The following ARHGAP21 variants were observed in gnomAD, a reference collection of about 807,000 sequenced individuals.
The protein encoded by ARHGAP21 is Rho GTPase activating protein 21.
A neutral mutation model predicts 164.6 loss-of-function variants in ARHGAP21; 38 were observed. The ratio of observed to expected loss-of-function variants is 0.23; its 90% CI spans 0.18 to 0.30. The LOEUF is 0.30. Among genes scored for constraint, ARHGAP21 ranks in the 10% least tolerant of loss-of-function variants. The pLI is 1.00. For missense variants in ARHGAP21, 1,822 were observed against 2,370.7 expected, an observed-to-expected ratio of 0.77 and a Z score of 4.81; for synonymous variants, 766 against 857.9, an observed-to-expected ratio of 0.89 and a Z score of 1.87.
At chr10:24,718,925 T>C (rs1845652599) in intron 2 of ARHGAP21, among the ~76,000 whole-genome samples, 1 of 152,028 alleles carries the variant, frequency 6.6e-6, no homozygotes, top group Non-Finnish European at 1.5e-5. Context: ...TTAAGAAAGC[T>C]GAGGGAAAGT....
chr10:24,648,736 G>C (rs1837854808), intron 4 of ARHGAP21: 1 of 881,788 alleles, frequency 1.1e-6, no homozygotes, highest in African/African-American at 1.9e-5. Flanking sequence ...CCGAGATGGT[G>C]CCATCGCACT....
intron 2 of ARHGAP21, among the ~76,000 whole-genome samples, chr10:24,704,758 C>A (rs948149564): frequency 2.0e-5 from 3 of 151,972 alleles, no homozygotes; most frequent in African/African-American, 7.3e-5. Flanking sequence ...TGTGAGCCAC[C>A]GCGTCTGGTG....
chr10:24,640,189 T>C (rs1163571976), intron 4 of ARHGAP21: 1 of 151,862 alleles, frequency 6.6e-6, no homozygotes, highest in Non-Finnish European at 1.5e-5. Context: ...CCACCTTAAA[T>C]GTGCCCAATC....
chr10:24,587,633 A>G (rs754853933), intron 25 of ARHGAP21, among the ~76,000 whole-genome samples: 32 of 152,226 alleles, frequency 2.1e-4, no homozygotes, highest in Non-Finnish European at 1.9e-4. Flanking sequence ...TGAAGACTGT[A>G]GGGGATAATG....
chr10:24,723,172 G>A (rs2132383230), intron 1 of ARHGAP21: 1 of 151,254 alleles, frequency 6.6e-6, no homozygotes, highest in African/African-American at 2.4e-5. Context: ...CCGCCCGCTC[G>A]GGCCCGGCGG....
chr10:24,686,843 A>G (rs1303748161), intron 2 of ARHGAP21, among the ~76,000 whole-genome samples: 2 of 152,182 alleles, frequency 1.3e-5, no homozygotes, highest in Admixed American at 1.3e-4. Flanking sequence ...TCTCAGCACC[A>G]AAGTGCCTTA....
intron 4 of ARHGAP21, among the ~76,000 whole-genome samples, chr10:24,666,316 G>A (rs888673217): frequency 1.3e-5 from 2 of 152,124 alleles, no homozygotes; most frequent in African/African-American, 2.4e-5. Context: ...AGGCGTGAGC[G>A]ACTGCGCCCG....
In ARHGAP21 at chr10:24,620,359, T is replaced by A; in HGVS notation, c.1536A>T (p.Gly512=). The change falls in exon 9 of 26, where the codon GGA becomes GGT. Residue 512 remains glycine (G), a synonymous_variant. Transcript: ENST00000396432. ...QDETLENVNS[G]TPIPDSNGEK... ...CTCCATTGGAATCAGGTATTGGAGT[T>A]CCAGAATTGACATTTTCTAAGGTTT... The A allele has an allele frequency of 1.9e-6, 3 of 1,613,806 alleles. No individual in the cohort carries two copies. Among genetic ancestry groups the A allele is most frequent in the Non-Finnish European group, 2.5e-6 (3 of 1,179,830 alleles).
intron 9 of ARHGAP21, 82 bp downstream of exon 9, chr10:24,619,391 C>A: frequency 1.5e-6 from 2 of 1,325,328 alleles, no homozygotes. Context: ...GACTTCTATG[C>A]CTATTGAACT....
intron 2 of ARHGAP21, among the ~76,000 whole-genome samples, chr10:24,710,031 A>G (rs1355260756): frequency 6.6e-6 from 1 of 152,206 alleles, no homozygotes; most frequent in African/African-American, 2.4e-5. Context: ...GATGGTATGG[A>G]AACTGATGAA....
At position 24,715,584 on chromosome 10, in the gene ARHGAP21, A is replaced by G. The variant is rs80031523; in HGVS notation, c.63+6253T>C. Among the ~76,000 whole-genome samples the G allele has an allele frequency of 1.1e-4, 17 of 152,336 alleles. No individual in the cohort carries two copies. The East Asian group carries it at 3.3e-3, about 29-fold the overall frequency. On this transcript the variant is annotated intron_variant, in intron 2 of 25. Coordinates refer to ENST00000396432, the MANE Select transcript of ARHGAP21 (RefSeq NM_020824.4). ...ACTTGGTTACCAGCTTCCCAAAGGT[A>G]AAAAAGGTGCAAAGAAAAAAGGCAC...
At chr10:24,622,812 C>G in intron 7 of ARHGAP21, 50 bp from the exon 8 acceptor site, 1 of 1,560,562 alleles carries the variant, frequency 6.4e-7, no homozygotes. Context: ...GATATAAAGA[C>G]AAAATCATGT....
rs201093824 is a variant in ARHGAP21, at chr10:24,718,155, GA to G, written c.63+3681del. ...GACTCCACAAGACTTTGCATATGAG[GA>G]ATGACGAGACGGAAGAGTGAGAATG... On this transcript the variant is annotated intron_variant, in intron 2 of 25. Transcript: ENST00000396432. Among the ~76,000 whole-genome samples the G allele has an allele frequency of 1.5e-3, 230 of 152,294 alleles. 5 individuals carry two copies. The East Asian group carries it at 0.038, about 25-fold the overall frequency.
At chr10:24,597,732 C>A in intron 15 of ARHGAP21, 149 bp from the exon 16 acceptor site, 2 of 1,281,974 alleles carry the variant, frequency 1.6e-6, no homozygotes, top group South Asian at 1.5e-5. Context: ...GTAGTCCTGC[C>A]CAGAATAAGA....
At chr10:24,699,555 C>T (rs1379456584) in intron 2 of ARHGAP21, among the ~76,000 whole-genome samples, 2 of 152,036 alleles carry the variant, frequency 1.3e-5, no homozygotes, top group African/African-American at 4.8e-5. Context: ...CAACTCCTGA[C>T]CTCAGGTGAT....
chr10:24,658,925 A>C (rs548997712), intron 4 of ARHGAP21, among the ~76,000 whole-genome samples: 222 of 152,370 alleles, frequency 1.5e-3, no homozygotes, highest in Non-Finnish European at 2.6e-3. Context: ...GGCGACAAGC[A>C]CACAAAAAGA....
In ARHGAP21 at chr10:24,607,662, G is replaced by A. The variant is rs551479224; in HGVS notation, c.2582-61C>T. On this transcript the variant is annotated intron_variant, in intron 10 of 25. Transcript: ENST00000396432. ...CAAGTGGTTCCCAGATTCTTTTAAC[G>A]GTGGAAACATCAGTTTATCATACTA... 1.3e-4 allele frequency: 213 copies of A among 1,608,792 alleles called. 3 individuals are homozygous for A. The highest frequency in any genetic ancestry group is 1.3e-3 in the South Asian group (120 of 90,860).
Position 24,670,334 on chromosome 10 carries a change from A to G in ARHGAP21, c.127T>C (p.Phe43Leu). 6.2e-7 allele frequency: 1 copy of G among 1,609,512 alleles called. No individual in the cohort carries two copies. The highest frequency in any genetic ancestry group is 8.5e-7 in the Non-Finnish European group (1 of 1,177,256). Residue 43 changes from phenylalanine to leucine, a missense_variant, in exon 3 of 26, where the codon TTC (phenylalanine) becomes CTC (leucine). This residue lies in a region of ARHGAP21 where 1,090 missense variants were observed against 1,378.9 expected (regional missense o/e 0.79). Coordinates refer to ENST00000396432, the MANE Select transcript of ARHGAP21 (RefSeq NM_020824.4). Reference protein sequence around the residue: ...ETVSLSEDETFSWPGPKTVTL... With the variant: ...ETVSLSEDETLSWPGPKTVTL... Reference sequence around the variant, plus strand: ...ACTGTTTTGGGACCTGGCCAGGAGAATGTTTCATCTTCAGACAGTGATACA... The same window carrying G: ...ACTGTTTTGGGACCTGGCCAGGAGAGTGTTTCATCTTCAGACAGTGATACA...
Position 24,589,338 on chromosome 10 carries a change from CCAATCTTTACTGCTTTCCACAAA to C in ARHGAP21, c.4151-59_4151-37del. On this transcript the variant is annotated intron_variant, in intron 24 of 25. Coordinates refer to ENST00000396432, the MANE Select transcript of ARHGAP21 (RefSeq NM_020824.4). ...TTAAATAAAACATGGTCAGTATTAG[CCAATCTTTACTGCTTTCCACAAA>C]CAATGCAAAACTTATGGAAAGACAG... The C allele has an allele frequency of 2.5e-6, 4 of 1,571,082 alleles. 1 individual carries two copies. The highest frequency in any genetic ancestry group is 3.4e-4 in the Middle Eastern group (2 of 5,932).
Sources: gnomAD v4.1 joint callset for allele counts (sites outside exome capture counted in the v4.1 genomes callset) on GRCh38, gnomAD v4.1.1 for gene constraint, gnomAD v4.1.1 regional missense constraint, MANE v1.5 for transcripts, NCBI Gene and HGNC (gene_info 2026-07-23, HGNC 2026-07-21) for gene names.